Variants in GCH1 observed in about 807,000 individuals in gnomAD.
GCH1 encodes GTP cyclohydrolase 1.
A neutral mutation model predicts 25.9 loss-of-function variants in GCH1; 5 were observed. That is an observed-to-expected ratio of 0.19 (90% confidence interval 0.10 to 0.41). The LOEUF is 0.41. Among genes scored for constraint, GCH1 ranks in the 10% least tolerant of loss-of-function variants. The probability of loss-of-function intolerance (pLI) is 1.00; values close to 1 mark genes in which losing one functional copy is unlikely to be tolerated. For missense variants in GCH1, 261 were observed against 336.5 expected, an observed-to-expected ratio of 0.78 and a Z score of 1.75; for synonymous variants, 159 against 129.6, an observed-to-expected ratio of 1.23 and a Z score of -1.54.
chr14:54,866,217 G>A (rs2039987275), intron 1 of GCH1, among the ~76,000 whole-genome samples: 1 of 152,056 alleles, frequency 6.6e-6, no homozygotes, highest in South Asian at 2.1e-4. Context: ...AGAGCACTCT[G>A]AGCTTCCTAA....
chr14:54,847,051 G>GA (rs750750346), intron 4 of GCH1, 48 bp downstream of exon 4: 29 of 756,992 alleles, frequency 3.8e-5, no homozygotes, highest in South Asian at 6.4e-5. Flanking sequence ...TTTAAAAAAA[G>GA]AAAAAAAAGA....
In GCH1 at chr14:54,902,602, C is replaced by G; in HGVS notation, c.62G>C (p.Gly21Ala). Reference sequence around the variant, plus strand: ...CCGCGGCGGATCCCGCTCGGGGAACCCATTGCTGCACCTGGCGCCCCGCGG... The same window carrying G: ...CCGCGGCGGATCCCGCTCGGGGAACGCATTGCTGCACCTGGCGCCCCGCGG... ...EKPRGARCSN[G>A]FPERDPPRPG... Residue 21 changes from glycine (G) to alanine (A), a missense_variant, in exon 1 of 6, where the codon GGG (glycine) becomes GCG (alanine). By Grantham distance (60) the Gly-to-Ala change is moderately conservative. Transcript: ENST00000491895. 5 of 1,498,928 alleles carry G rather than the reference C, an allele frequency of 3.3e-6. No homozygotes were observed. Among genetic ancestry groups the G allele is most frequent in the Non-Finnish European group, 4.4e-6 (5 of 1,126,054 alleles). 92.9% of individuals were successfully genotyped at this position (1,498,928 alleles called of 1,614,324 possible).
Position 54,902,805 on chromosome 14 carries a change from G to T in GCH1, c.-142C>A, listed in dbSNP as rs777475712. On this transcript the variant is annotated 5_prime_UTR_variant, in exon 1 of 6. Transcript: ENST00000491895. ...ACGCAACCTGCTTAGATCACACTCC[G>T]AGCCGGGAGCGGCCACAGGCTGGAA... 5.4e-6 allele frequency: 6 copies of T among 1,112,902 alleles called. No homozygotes were observed. The highest frequency in any genetic ancestry group is 6.9e-6 in the Non-Finnish European group (6 of 869,338). The allele number at this position is 1,112,902 out of a possible 1,614,324, so 68.9% of individuals were successfully genotyped here.
intron 1 of GCH1, among the ~76,000 whole-genome samples, chr14:54,878,449 T>C (rs1221213565): frequency 6.6e-6 from 1 of 152,218 alleles, no homozygotes; most frequent in Non-Finnish European, 1.5e-5. Flanking sequence ...TTGGCTGGAA[T>C]TAAATCAACT....
intron 1 of GCH1, among the ~76,000 whole-genome samples, chr14:54,890,453 G>A (rs149328194): frequency 6.3e-4 from 96 of 152,256 alleles, no homozygotes; most frequent in African/African-American, 1.9e-3. Flanking sequence ...AGACGAGATC[G>A]CGCCATTGCA....
chr14:54,859,475 G>A, intron 3 of GCH1: 1 of 594,338 alleles, frequency 1.7e-6, no homozygotes, highest in Non-Finnish European at 3.0e-6. Flanking sequence ...TGGAAGAAAG[G>A]GTGGGAAGTG....
At chr14:54,882,732 G>C (rs1383789021) in intron 1 of GCH1, among the ~76,000 whole-genome samples, 4 of 151,710 alleles carry the variant, frequency 2.6e-5, no homozygotes, top group East Asian at 3.9e-4. Flanking sequence ...TAATAGGCTC[G>C]TCCCTTATCA....
At position 54,842,854 on chromosome 14, in the gene GCH1, T is replaced by TGCTGGTTTG; in HGVS notation, c.*1162_*1163insCAAACCAGC. The TGCTGGTTTG allele has an allele frequency of 2.3e-6, 1 of 434,088 alleles. No homozygotes were observed. 26.9% of individuals were successfully genotyped at this position (434,088 alleles called of 1,614,324 possible). A position where few individuals can be genotyped will look rare whatever the true frequency, so the allele number is the denominator to read the frequency against. On this transcript the variant is annotated 3_prime_UTR_variant, in exon 6 of 6. Transcript: ENST00000491895. Reference sequence around the variant, plus strand: ...CAACAGCTTCCAGGATTAAAATACCTATACCATCTATACGGAGTTACAATG... The same window carrying TGCTGGTTTG: ...CAACAGCTTCCAGGATTAAAATACCTGCTGGTTTGATACCATCTATACGGAGTTACAATG...
At chr14:54,897,050 G>GC (rs1431976506) in intron 1 of GCH1, among the ~76,000 whole-genome samples, 1 of 114,506 alleles carries the variant, frequency 8.7e-6, no homozygotes, top group South Asian at 2.9e-4. Flanking sequence ...TTGCTCTGTC[G>GC]CCAGGCTGGA....
chr14:54,854,429 A>G (rs996558412), intron 3 of GCH1, among the ~76,000 whole-genome samples: 1 of 152,202 alleles, frequency 6.6e-6, no homozygotes, highest in Non-Finnish European at 1.5e-5. Flanking sequence ...GAGCACACGC[A>G]GCAGTGGATG....
At chr14:54,865,705 G>T (rs2039980929) in intron 1 of GCH1, among the ~76,000 whole-genome samples, 4 of 152,120 alleles carry the variant, frequency 2.6e-5, no homozygotes, top group African/African-American at 9.7e-5. Flanking sequence ...AACGGAGGGA[G>T]GAAAGGAAAA....
In GCH1 at chr14:54,874,855, T is replaced by C. The variant is rs565445585; in HGVS notation, c.344-9419A>G. 1.4e-3 allele frequency among the ~76,000 whole-genome samples: 216 copies of C among 152,242 alleles called. 1 individual carries two copies. The highest frequency in any genetic ancestry group is 4.9e-3 in the African/African-American group (204 of 41,530). On this transcript the variant is annotated intron_variant, in intron 1 of 5. Coordinates refer to ENST00000491895, the MANE Select transcript of GCH1 (RefSeq NM_000161.3). Reference sequence around the variant, plus strand: ...TAAAATAAAAGAGGATACAAACAAATGGAAGAACATTCCATGCTCATGGGT... The same window carrying C: ...TAAAATAAAAGAGGATACAAACAAACGGAAGAACATTCCATGCTCATGGGT...
Position 54,867,589 on chromosome 14 carries a change from CAAAAAAAAAAAAAA to C in GCH1, c.344-2167_344-2154del, listed in dbSNP as rs1029899399. Among the ~76,000 whole-genome samples the C allele has an allele frequency of 2.4e-4, 11 of 46,670 alleles. 1 individual carries two copies. Among genetic ancestry groups the C allele is most frequent in the African/African-American group, 6.5e-4 (8 of 12,252 alleles). 30.6% of individuals were successfully genotyped at this position (46,670 alleles called of 152,430 possible). On this transcript the variant is annotated intron_variant, in intron 1 of 5. Coordinates refer to ENST00000491895, the MANE Select transcript of GCH1 (RefSeq NM_000161.3). ...GGCAAGAGAGAACAAGACTCCGTCT[CAAAAAAAAAAAAAA>C]AAAAAAAAAAAGATCTGGCTCCATC...
At chr14:54,895,810 G>A (rs79511230) in intron 1 of GCH1, among the ~76,000 whole-genome samples, 2,530 of 152,230 alleles carry the variant, frequency 0.017, 30 homozygotes, top group Middle Eastern at 0.088. Context: ...AGATGATAGC[G>A]TCTCCTCCAG....
chr14:54,870,914 C>G (rs959478044), intron 1 of GCH1, among the ~76,000 whole-genome samples: 3 of 152,242 alleles, frequency 2.0e-5, no homozygotes. Context: ...TAGACTCCAC[C>G]TCTGGGGGCA....
intron 3 of GCH1, among the ~76,000 whole-genome samples, chr14:54,850,044 A>G (rs1431459053): frequency 6.6e-6 from 1 of 151,882 alleles, no homozygotes; most frequent in Non-Finnish European, 1.5e-5. Flanking sequence ...GCACAATCTT[A>G]GCTCATTGGA....
At chr14:54,879,420 CAAAA>C (rs34163543) in intron 1 of GCH1, among the ~76,000 whole-genome samples, 1 of 59,904 alleles carries the variant, frequency 1.7e-5, no homozygotes, top group African/African-American at 5.2e-5. Context: ...GTCCCTGTCT[CAAAA>C]AAAAAAAAAA....
At chr14:54,876,141 T>C (rs1306815574) in intron 1 of GCH1, among the ~76,000 whole-genome samples, 1 of 152,178 alleles carries the variant, frequency 6.6e-6, no homozygotes, top group East Asian at 1.9e-4. Flanking sequence ...ATGTGGCACA[T>C]ATACACCACA....
intron 3 of GCH1, among the ~76,000 whole-genome samples, chr14:54,857,429 G>T (rs890285480): frequency 6.6e-6 from 1 of 152,140 alleles, no homozygotes; most frequent in African/African-American, 2.4e-5. Flanking sequence ...TTCAGAGAAG[G>T]CTGTTACATT....
Sources: gnomAD v4.1 joint callset for allele counts (sites outside exome capture counted in the v4.1 genomes callset) on GRCh38, gnomAD v4.1.1 for gene constraint, MANE v1.5 for transcripts, NCBI Gene and HGNC (gene_info 2026-07-23, HGNC 2026-07-21) for gene names.